The following VPS13A variants were observed in gnomAD, a reference collection of about 807,000 sequenced individuals.
The protein encoded by VPS13A is vacuolar protein sorting 13 homolog A, also known as intermembrane lipid transfer protein VPS13A.
In VPS13A, 264 loss-of-function variants were observed where a neutral mutation model predicts 390.9. The observed-to-expected ratio is 0.68, with a 90% confidence interval of 0.61 to 0.75. The LOEUF (loss-of-function observed/expected upper bound fraction) is 0.75. Among genes scored for constraint, VPS13A ranks in the 30% least tolerant of loss-of-function variants. VPS13A has a pLI of 0.00. For missense variants in VPS13A, 3,409 were observed against 3,733.9 expected (o/e 0.91, Z 2.27); for synonymous variants, 1,231 against 1,227.1 (o/e 1.00, Z -0.07).
At chr9:77,411,291 G>A (rs1234534208) in intron 71 of VPS13A, among the ~76,000 whole-genome samples, 10 of 152,124 alleles carry the variant, frequency 6.6e-5, no homozygotes, top group Admixed American at 3.9e-4. Context: ...TCAAAGCAGT[G>A]TGTAGAGGGA....
intron 1 of VPS13A, among the ~76,000 whole-genome samples, chr9:77,186,375 C>T (rs1295473382): frequency 6.6e-6 from 1 of 152,128 alleles, no homozygotes; most frequent in African/African-American, 2.4e-5. Flanking sequence ...CTCTAATGCT[C>T]CTGTGAATCT....
rs372360076 is a variant in VPS13A, at chr9:77,177,689, A to T, written c.-16A>T. The T allele has an allele frequency of 6.2e-7, 1 of 1,611,424 alleles. No individual in the cohort carries two copies. The highest frequency in any genetic ancestry group is 8.5e-7 in the Non-Finnish European group (1 of 1,178,414). ...AGCGCACGGGCCGGCTGCCGTGCCC[A>T]CCACGGCTGAGGAACATGGTTTTCG... On this transcript the variant is annotated 5_prime_UTR_variant, in exon 1 of 72. Transcript: ENST00000360280.
At chr9:77,415,162 A>G (rs1357279496) in intron 71 of VPS13A, among the ~76,000 whole-genome samples, 5 of 152,230 alleles carry the variant, frequency 3.3e-5, no homozygotes, top group Non-Finnish European at 5.9e-5. Context: ...ATGTCACTGA[A>G]GGACAGTACC....
chr9:77,321,146 A>G (rs1271302774), intron 42 of VPS13A, 23 bp from the exon 43 acceptor site: 9 of 1,604,454 alleles, frequency 5.6e-6, no homozygotes, highest in South Asian at 1.1e-5. Context: ...TTTTCCTTAT[A>G]TTTCTATGAT....
At chr9:77,333,502 G>C (rs925227366) in intron 46 of VPS13A, among the ~76,000 whole-genome samples, 2 of 142,778 alleles carry the variant, frequency 1.4e-5, no homozygotes, top group South Asian at 4.4e-4. Flanking sequence ...CGGGATCTCA[G>C]CTCCCAGGTT....
chr9:77,385,584 G>A (rs1384300948), intron 68 of VPS13A, among the ~76,000 whole-genome samples: 2 of 151,842 alleles, frequency 1.3e-5, no homozygotes, highest in Non-Finnish European at 2.9e-5. Context: ...TGTAATAAAG[G>A]TTTTTAAAAA....
chr9:77,275,693 C>T, intron 25 of VPS13A, 41 bp downstream of exon 25: 1 of 1,591,160 alleles, frequency 6.3e-7, no homozygotes, highest in Non-Finnish European at 8.6e-7. Flanking sequence ...AATTTGTTTG[C>T]TGTTTCTATA....
intron 45 of VPS13A, among the ~76,000 whole-genome samples, chr9:77,327,549 A>G (rs1265136589): frequency 6.6e-6 from 1 of 152,064 alleles, no homozygotes; most frequent in Non-Finnish European, 1.5e-5. Context: ...GGTAAGATAT[A>G]GAAAGATTAT....
chr9:77,357,714 A>G lies in VPS13A; in HGVS notation c.7829A>G (p.His2610Arg), dbSNP rs140474001. 9.3e-6 allele frequency: 15 copies of G among 1,613,916 alleles called. No individual in the cohort carries two copies. The highest frequency in any genetic ancestry group is 1.3e-5 in the African/African-American group (1 of 74,910). Reference sequence around the variant, plus strand: ...CAGGTTCGCCTAACCCCTACTGGTCATAACATGAAAATTCTGCAGCCGCAT... The same window carrying G: ...CAGGTTCGCCTAACCCCTACTGGTCGTAACATGAAAATTCTGCAGCCGCAT... ...NVPVRLTPTG[H>R]NMKILQPHVI... The change falls in exon 56 of 72, where the codon CAT (histidine) becomes CGT (arginine). Residue 2610 changes from histidine (H) to arginine (R), a missense_variant. His to Arg is a conservative substitution (Grantham distance 29). This residue lies in a region of VPS13A where 221 missense variants were observed against 300.7 expected (regional missense o/e 0.73). Coordinates refer to ENST00000360280, the MANE Select transcript of VPS13A (RefSeq NM_033305.3).
In VPS13A at chr9:77,420,185, ATTC is replaced by A. The variant is rs1835303748; in HGVS notation, c.*4182_*4184del. 6.6e-6 allele frequency: 1 copy of A among 152,174 alleles called. No homozygotes were observed. The highest frequency in any genetic ancestry group is 2.1e-4 in the South Asian group (1 of 4,828). The allele number at this position is 152,174 out of a possible 1,614,324, so 9.4% of individuals were successfully genotyped here. A position where few individuals can be genotyped will look rare whatever the true frequency, so the allele number is the denominator to read the frequency against. ...CTAGGATTTGTCGGTTAAAATTTTG[ATTC>A]TTGTAATCTGTACTGTCAATTTTTG... On this transcript the variant is annotated 3_prime_UTR_variant, in exon 72 of 72. Transcript: ENST00000360280.
rs2131587625 is a variant in VPS13A, at chr9:77,370,452, T to C, written c.8781T>C (p.Ala2927=). The C allele has an allele frequency of 6.2e-7, 1 of 1,614,168 alleles. No homozygotes were observed. The highest frequency in any genetic ancestry group is 8.5e-7 in the Non-Finnish European group (1 of 1,180,024). ...GTGCTGCCTCCAAAATCACCGGTGC[T>C]ATGGCTAAGGGGGTAGCAGCTATGA... The part of the protein sequence containing the change: ...LAGAASKITG[A]MAKGVAAMTM... Residue 2927 remains alanine (A), a synonymous_variant, in exon 65 of 72, where the codon GCT becomes GCC. Coordinates refer to ENST00000360280, the MANE Select transcript of VPS13A (RefSeq NM_033305.3).
intron 35 of VPS13A, among the ~76,000 whole-genome samples, chr9:77,311,074 AC>A (rs765600651): frequency 1.3e-5 from 2 of 151,894 alleles, no homozygotes; most frequent in Non-Finnish European, 2.9e-5. Flanking sequence ...ACAGGTGCCC[AC>A]CACCACACCC....
At chr9:77,220,717 C>G (rs1407776469) in intron 12 of VPS13A, among the ~76,000 whole-genome samples, 1 of 151,976 alleles carries the variant, frequency 6.6e-6, no homozygotes, top group South Asian at 2.1e-4. Flanking sequence ...CCTCAGCTTC[C>G]CTATCAGATA....
At chr9:77,413,716 G>T (rs7465979) in intron 71 of VPS13A, among the ~76,000 whole-genome samples, 11,897 of 152,178 alleles carry the variant, frequency 0.078, 582 homozygotes, top group East Asian at 0.12. Context: ...AAAAGCAATG[G>T]CAACAAAAGC....
intron 68 of VPS13A, chr9:77,395,569 T>G (rs1834087788): frequency 6.6e-6 from 1 of 152,220 alleles, no homozygotes; most frequent in Non-Finnish European, 1.5e-5. Context: ...ACTTGCTTGA[T>G]GCAGAGTTGC....
At chr9:77,311,841 C>T (rs1829094561) in intron 35 of VPS13A, among the ~76,000 whole-genome samples, 1 of 152,058 alleles carries the variant, frequency 6.6e-6, no homozygotes, top group Admixed American at 6.6e-5. Flanking sequence ...AATTTTCTGA[C>T]CACATTGGAT....
intron 25 of VPS13A, among the ~76,000 whole-genome samples, 159 bp downstream of exon 25, chr9:77,275,811 C>CTT (rs368058162): frequency 6.8e-6 from 1 of 146,966 alleles, no homozygotes; most frequent in South Asian, 2.2e-4. Context: ...CCGCCCCCCC[C>CTT]TTTTTTTTTT....
chr9:77,177,797 C>G lies in VPS13A; in HGVS notation c.93C>G (p.Ile31Met), dbSNP rs146810817. ...ACACGTCCCAGCTCTCTCTGGGCATCTGGAAAGGTAAGGAGGCCGCCGCCG... is the reference window on the plus strand; with the variant it reads ...ACACGTCCCAGCTCTCTCTGGGCATGTGGAAAGGTAAGGAGGCCGCCGCCG... ...DLDTSQLSLGIWKGAVALKNL... is the reference protein window; with the variant it reads ...DLDTSQLSLGMWKGAVALKNL... The change falls in exon 1 of 72, where the codon ATC becomes ATG. Residue 31 changes from isoleucine (I) to methionine (M), a missense_variant. By Grantham distance (10) the Ile-to-Met change is conservative (BLOSUM62 1). This residue lies in a region of VPS13A where 2,717 missense variants were observed against 2,917.4 expected (regional missense o/e 0.93). Transcript: ENST00000360280. 3 of 1,612,724 alleles carry G rather than the reference C, an allele frequency of 1.9e-6. No individual in the cohort carries two copies. The highest frequency in any genetic ancestry group is 2.5e-6 in the Non-Finnish European group (3 of 1,179,458).
rs1332655587 is a variant in VPS13A, at chr9:77,332,249, AT to A, written c.6095+137del. ...CGTATTTAGGTTTCAGTGCACTTAG[AT>A]CTTAAAAAAGAAGTATTATTTAATT... On this transcript the variant is annotated intron_variant, in intron 46 of 71. Coordinates refer to ENST00000360280, the MANE Select transcript of VPS13A (RefSeq NM_033305.3). 4 of 659,212 alleles carry A rather than the reference AT, an allele frequency of 6.1e-6. No individual in the cohort carries two copies. In the African/African-American group the frequency reaches 7.3e-5, roughly 12 times the overall value. The allele number at this position is 659,212 out of a possible 1,614,324, so 40.8% of individuals were successfully genotyped here. A position where few individuals can be genotyped will look rare whatever the true frequency, so the allele number is the denominator to read the frequency against.
Sources: allele counts gnomAD v4.1 joint callset (sites outside exome capture counted in the v4.1 genomes callset), GRCh38; gene constraint gnomAD v4.1.1; regional missense constraint gnomAD v4.1.1; transcripts MANE v1.5; gene names NCBI Gene and HGNC (gene_info 2026-07-23, HGNC 2026-07-21).